CRISPLD1: variants seen among roughly 807,000 people sequenced by gnomAD.
CRISPLD1 encodes the protein cysteine rich secretory protein LCCL domain containing 1, also known as cysteine-rich secretory protein LCCL domain-containing 1.
In CRISPLD1, 60 loss-of-function variants were observed where a neutral mutation model predicts 77.5. That is an observed-to-expected ratio of 0.77 (90% CI 0.63 to 0.96). CRISPLD1 has a LOEUF of 0.96. Ranked by LOEUF, CRISPLD1 falls within the 40% of genes least tolerant of loss-of-function variation. The pLI, the probability that CRISPLD1 is intolerant of heterozygous loss-of-function variation, is 0.00. For missense variants in CRISPLD1, 623 were observed against 615.8 expected (o/e 1.01, Z -0.12); for synonymous variants, 195 against 200.1 (o/e 0.97, Z 0.22).
intron 2 of CRISPLD1, among the ~76,000 whole-genome samples, chr8:74,999,116 C>T (rs917019845): frequency 1.3e-5 from 2 of 152,032 alleles, no homozygotes; most frequent in Non-Finnish European, 2.9e-5. Flanking sequence ...GGTTATTAAA[C>T]TGGCTAAAAA....
chr8:75,007,088 C>G (rs1372118368), intron 2 of CRISPLD1, among the ~76,000 whole-genome samples: 1 of 151,942 alleles, frequency 6.6e-6, no homozygotes, highest in Non-Finnish European at 1.5e-5. Context: ...CAGACAAATT[C>G]TTAGTTATTA....
At chr8:74,994,751 G>C (rs1352160917) in intron 2 of CRISPLD1, among the ~76,000 whole-genome samples, 2 of 152,176 alleles carry the variant, frequency 1.3e-5, no homozygotes, top group African/African-American at 2.4e-5. Flanking sequence ...ATTATTAATT[G>C]CACTATCATG....
chr8:75,010,350 T>C (rs1452105145), intron 2 of CRISPLD1, among the ~76,000 whole-genome samples: 1 of 152,126 alleles, frequency 6.6e-6, no homozygotes, highest in Non-Finnish European at 1.5e-5. Flanking sequence ...GTTTTCCTTT[T>C]GGCGTATTGA....
At chr8:75,002,813 C>T (rs775914107) in intron 2 of CRISPLD1, among the ~76,000 whole-genome samples, 38 of 152,118 alleles carry the variant, frequency 2.5e-4, no homozygotes, top group Non-Finnish European at 2.9e-4. Context: ...TCTCGTGAGA[C>T]ATAGAACTTG....
rs556755859 is a variant in CRISPLD1, at chr8:75,017,600, A to T, written c.1127+150A>T. The T allele has an allele frequency of 1.1e-5, 8 of 724,702 alleles. No homozygotes were observed. The East Asian group carries it at 1.3e-4, about 12-fold the overall frequency. The allele number at this position is 724,702 out of a possible 1,614,324, so 44.9% of individuals were successfully genotyped here. A position where few individuals can be genotyped will look rare whatever the true frequency, so the allele number is the denominator to read the frequency against. ...ATTTTAGCTTGTAGTTTTCTTAGAC[A>T]AAAAGAAGATAACGCATTTAAGGTC... On this transcript the variant is annotated intron_variant, in intron 10 of 14. Transcript: ENST00000262207.
chr8:75,012,412 T>C, intron 2 of CRISPLD1, 21 bp from the exon 3 acceptor site: 1 of 1,441,538 alleles, frequency 6.9e-7, no homozygotes, highest in Non-Finnish European at 9.8e-7. Context: ...GTGCACATTT[T>C]GCTTTTGTTT....
chr8:74,994,154 T>C (rs1179276062), intron 2 of CRISPLD1, among the ~76,000 whole-genome samples: 2 of 152,166 alleles, frequency 1.3e-5, no homozygotes, highest in Non-Finnish European at 2.9e-5. Flanking sequence ...AGCACAGCTG[T>C]GAACAGGAAG....
chr8:75,016,759 CATCAAGATTTT>C, intron 7 of CRISPLD1, 54 bp downstream of exon 7: 1 of 1,560,050 alleles, frequency 6.4e-7, no homozygotes, highest in Non-Finnish European at 8.7e-7. Context: ...ATGGTATATC[CATCAAGATTTT>C]ATTAATTTGA....
In CRISPLD1 at chr8:75,019,886, A is replaced by G. The variant is rs1476062031; in HGVS notation, c.1144A>G (p.Asn382Asp). 3 of 1,612,864 alleles carry G rather than the reference A, an allele frequency of 1.9e-6. 1 individual carries two copies. Among genetic ancestry groups the G allele is most frequent in the African/African-American group, 1.3e-5 (1 of 75,034 alleles). The change falls in exon 11 of 15, where the codon AAT becomes GAT. Residue 382 changes from asparagine (N) to aspartate (D), a missense_variant. Coordinates refer to ENST00000262207, the MANE Select transcript of CRISPLD1 (RefSeq NM_031461.6). ...IQTIGKYQSANSFTVSKVTVQ... is the reference protein window; with the variant it reads ...IQTIGKYQSADSFTVSKVTVQ... The stretch of plus-strand genomic sequence containing the variant: ...TACCTTCAGCAAATATCAGTCTGCT[A>G]ATTCCTTCACAGTCTCTAAAGTAAC...
At chr8:75,007,799 A>T (rs1165125877) in intron 2 of CRISPLD1, among the ~76,000 whole-genome samples, 1 of 149,706 alleles carries the variant, frequency 6.7e-6, no homozygotes. Context: ...TTAGCCTCCC[A>T]GCTTGTTGGG....
intron 10 of CRISPLD1, among the ~76,000 whole-genome samples, chr8:75,018,081 C>CT (rs1813066632): frequency 6.6e-6 from 1 of 152,054 alleles, no homozygotes. Context: ...TTTTTTCCCT[C>CT]TAAGTAAAAC....
intron 13 of CRISPLD1, among the ~76,000 whole-genome samples, chr8:75,029,162 G>A (rs1029538950): frequency 3.9e-5 from 6 of 152,298 alleles, no homozygotes; most frequent in African/African-American, 1.2e-4. Context: ...GGGTCTTACC[G>A]TTGCAGTCAC....
intron 2 of CRISPLD1, among the ~76,000 whole-genome samples, chr8:74,988,047 C>T (rs1812521564): frequency 6.6e-6 from 1 of 152,114 alleles, no homozygotes; most frequent in Admixed American, 6.5e-5. Context: ...TGTTGTGTTG[C>T]CCTTAGATAC....
chr8:75,026,913 C>T (rs1813245174), intron 13 of CRISPLD1: 1 of 152,118 alleles, frequency 6.6e-6, no homozygotes, highest in Admixed American at 6.6e-5. Context: ...CTAGTCTTCA[C>T]ATTTGTGCTT....
intron 2 of CRISPLD1, among the ~76,000 whole-genome samples, chr8:74,991,271 C>G (rs552196826): frequency 3.3e-5 from 5 of 152,262 alleles, no homozygotes; most frequent in Non-Finnish European, 5.9e-5. Flanking sequence ...GCTGGCATTA[C>G]AGATGTGAGC....
chr8:75,012,997 G>A lies in CRISPLD1; in HGVS notation c.485G>A (p.Gly162Asp). The A allele has an allele frequency of 1.2e-6, 2 of 1,611,980 alleles. No homozygotes were observed. The highest frequency in any genetic ancestry group is 1.7e-6 in the Non-Finnish European group (2 of 1,178,788). Reference protein sequence around the residue: ...CNPYCPFRCSGPVCTHYTQVV... With the variant: ...CNPYCPFRCSDPVCTHYTQVV... ...CCATATTGTCCATTCAGGTGTTCTG[G>A]CCCTGTATGTACACATTATACACAG... The change falls in exon 4 of 15, where the codon GGC becomes GAC. Residue 162 changes from glycine to aspartate, a missense_variant. Gly to Asp is a moderately conservative substitution (Grantham distance 94, BLOSUM62 -1). Coordinates refer to ENST00000262207, the MANE Select transcript of CRISPLD1 (RefSeq NM_031461.6).
intron 2 of CRISPLD1, among the ~76,000 whole-genome samples, chr8:74,995,984 T>G (rs1300773410): frequency 6.6e-6 from 1 of 151,214 alleles, no homozygotes; most frequent in African/African-American, 2.4e-5. Context: ...TTTAATGATT[T>G]TTACTAACTC....
chr8:75,030,547 C>A, intron 14 of CRISPLD1, among the ~76,000 whole-genome samples: 1 of 152,002 alleles, frequency 6.6e-6, no homozygotes, highest in Admixed American at 6.6e-5. Context: ...AGGTGATATC[C>A]TAATAAAACA....
At chr8:75,010,338 G>A (rs978491308) in intron 2 of CRISPLD1, among the ~76,000 whole-genome samples, 1 of 152,002 alleles carries the variant, frequency 6.6e-6, no homozygotes, top group East Asian at 1.9e-4. Context: ...TGTCCCTAGG[G>A]TGTTTTCCTT....
Sources: allele counts gnomAD v4.1 joint callset (sites outside exome capture counted in the v4.1 genomes callset), GRCh38; gene constraint gnomAD v4.1.1; transcripts MANE v1.5; gene names NCBI Gene and HGNC (gene_info 2026-07-23, HGNC 2026-07-21).